Variants in KRT77 observed in about 807,000 individuals in gnomAD.
KRT77 encodes keratin, type II cytoskeletal 1b.
A neutral mutation model predicts 51.5 loss-of-function variants in KRT77; 44 were observed. The ratio of observed to expected loss-of-function variants is 0.85; its 90% CI spans 0.67 to 1.10. The LOEUF is 1.10. Ranked by LOEUF, KRT77 falls within the 50% of genes least tolerant of loss-of-function variation. The pLI, the probability that KRT77 is intolerant of heterozygous loss-of-function variation, is 0.00. For missense variants in KRT77, 763 were observed against 743.9 expected (o/e 1.03, Z -0.30); for synonymous variants, 293 against 302.0 (o/e 0.97, Z 0.31).
chr12:52,698,022 A>G (rs1941826338), intron 1 of KRT77, 126 bp from the exon 2 acceptor site: 5 of 1,417,886 alleles, frequency 3.5e-6, no homozygotes, highest in Middle Eastern at 1.8e-4. Context: ...TCCAAGGGTC[A>G]GAGAGCTTCC....
Position 52,702,954 on chromosome 12 carries a change from T to C in KRT77, c.481A>G (p.Lys161Glu). 6.2e-7 allele frequency: 1 copy of C among 1,614,118 alleles called. No individual in the cohort carries two copies. Among genetic ancestry groups the C allele is most frequent in the Non-Finnish European group, 8.5e-7 (1 of 1,180,044 alleles). ...LEVDPEIQRI[K>E]TQEREQIMVL... ...ATAATCTGCTCCCGCTCCTGGGTCT[T>C]GATCCTCTGAATTTCAGGGTCCACC... Residue 161 changes from lysine (K) to glutamate (E), a missense_variant, in exon 1 of 9, where the codon AAG becomes GAG. Physicochemically the swap from Lys to Glu is moderately conservative, Grantham distance 56. Transcript: ENST00000341809.
chr12:52,692,061 C>A (rs1290057112), intron 7 of KRT77, 89 bp from the exon 8 acceptor site: 3 of 1,405,794 alleles, frequency 2.1e-6, no homozygotes, highest in African/African-American at 2.8e-5. Context: ...AGAGGTGTCC[C>A]CAAGCCTTAG....
At chr12:52,691,877 C>G (rs1317269846) in intron 8 of KRT77, 61 bp downstream of exon 8, 2 of 1,601,854 alleles carry the variant, frequency 1.2e-6, no homozygotes, top group Non-Finnish European at 1.7e-6. Flanking sequence ...CTGGCCACCT[C>G]CTGGCCCTCC....
rs896478973 is a variant in KRT77, at chr12:52,698,195, C to T, written c.544-299G>A. 1.1e-5 allele frequency: 14 copies of T among 1,304,894 alleles called. No individual in the cohort carries two copies. The African/African-American group carries it at 2.1e-4, about 19-fold the overall frequency. 80.8% of individuals were successfully genotyped at this position (1,304,894 alleles called of 1,614,324 possible). ...ACTCACCCTCCACACTCAATTTATCCATGCCAACGTAAGGAAATGGTGTTT... is the reference window on the plus strand; with the variant it reads ...ACTCACCCTCCACACTCAATTTATCTATGCCAACGTAAGGAAATGGTGTTT... On this transcript the variant is annotated intron_variant, in intron 1 of 8. Coordinates refer to ENST00000341809, the MANE Select transcript of KRT77 (RefSeq NM_175078.3).
chr12:52,691,139 C>A lies in KRT77; in HGVS notation c.*26G>T, dbSNP rs748738755. ...TGAGGAGAGGGCGGTGAGGGGCAGG[C>A]GTGATGTGTGGCAGAAACGAGGCCT... On this transcript the variant is annotated 3_prime_UTR_variant, in exon 9 of 9. Coordinates refer to ENST00000341809, the MANE Select transcript of KRT77 (RefSeq NM_175078.3). 6.2e-7 allele frequency: 1 copy of A among 1,613,772 alleles called. No homozygotes were observed. The highest frequency in any genetic ancestry group is 8.5e-7 in the Non-Finnish European group (1 of 1,179,836).
intron 1 of KRT77, chr12:52,698,251 G>T: frequency 2.6e-6 from 2 of 777,608 alleles, no homozygotes; most frequent in Non-Finnish European, 1.9e-6. Context: ...TGACCCCAAG[G>T]TTCCTTTCTC....
chr12:52,696,339 C>T lies in KRT77; in HGVS notation c.819+31G>A, dbSNP rs550349496. 6.4e-5 allele frequency: 103 copies of T among 1,609,868 alleles called. No individual in the cohort carries two copies. In the South Asian group the frequency reaches 1.1e-3, roughly 17 times the overall value. On this transcript the variant is annotated intron_variant, in intron 3 of 8. Coordinates refer to ENST00000341809, the MANE Select transcript of KRT77 (RefSeq NM_175078.3). ...CACTCCCCTCAGCCTCCTGGGTCCA[C>T]AGCCACCCTCAGGACTCCCCTTTCC...
chr12:52,703,125 C>A lies in KRT77; in HGVS notation c.310G>T (p.Ala104Ser), dbSNP rs762962674. 2 of 1,612,056 alleles carry A rather than the reference C, an allele frequency of 1.2e-6. No homozygotes were observed. Among genetic ancestry groups the A allele is most frequent in the East Asian group, 4.5e-5 (2 of 44,840 alleles). Residue 104 changes from alanine (A) to serine (S), a missense_variant, in exon 1 of 9, where the codon GCT (alanine) becomes TCT (serine). Coordinates refer to ENST00000341809, the MANE Select transcript of KRT77 (RefSeq NM_175078.3). ...GRGFGVGSTG[A>S]GGFGGGGFGG... is the part of the protein sequence containing the mutation. Reference sequence around the variant, plus strand: ...AAACCACCTCCTCCAAAGCCACCAGCCCCGGTGCTGCCAACCCCAAAGCCT... The same window carrying A: ...AAACCACCTCCTCCAAAGCCACCAGACCCGGTGCTGCCAACCCCAAAGCCT...
chr12:52,694,175 A>G (rs1042142273), intron 5 of KRT77, among the ~76,000 whole-genome samples: 1 of 152,086 alleles, frequency 6.6e-6, no homozygotes. Flanking sequence ...GCCATTTACT[A>G]GCTACAAGGC....
chr12:52,702,105 T>C (rs1416737478), intron 1 of KRT77, among the ~76,000 whole-genome samples: 4 of 152,182 alleles, frequency 2.6e-5, no homozygotes, highest in Non-Finnish European at 4.4e-5. Context: ...TTAGAACCCA[T>C]TTAACTTTTC....
intron 1 of KRT77, among the ~76,000 whole-genome samples, chr12:52,702,418 C>A (rs898008314): frequency 6.8e-6 from 1 of 147,394 alleles, no homozygotes; most frequent in African/African-American, 2.6e-5. Context: ...TGTGTGTGTG[C>A]ATGTGTGTGT....
At chr12:52,695,293 T>A (rs1183190316) in intron 4 of KRT77, 2 of 166,950 alleles carry the variant, frequency 1.2e-5, no homozygotes, top group Non-Finnish European at 2.6e-5. Context: ...TAACACAGCA[T>A]CTGGCCCAGA....
At position 52,697,589 on chromosome 12, in the gene KRT77, C is replaced by T; in HGVS notation, c.758+93G>A. ...CAGAGCCTGCATGCCCCGCCCCCCA[C>T]CCTTACACACAAACACTGAAGCCGA... On this transcript the variant is annotated intron_variant, in intron 2 of 8. Coordinates refer to ENST00000341809, the MANE Select transcript of KRT77 (RefSeq NM_175078.3). The T allele has an allele frequency of 1.3e-5, 4 of 309,528 alleles. 1 individual carries two copies. Among genetic ancestry groups the T allele is most frequent in the Non-Finnish European group, 2.6e-5 (4 of 152,176 alleles). 19.2% of individuals were successfully genotyped at this position (309,528 alleles called of 1,614,324 possible).
intron 1 of KRT77, among the ~76,000 whole-genome samples, chr12:52,699,505 C>G (rs1180032232): frequency 6.6e-6 from 1 of 152,260 alleles, no homozygotes; most frequent in East Asian, 1.9e-4. Flanking sequence ...CCCCAAAACA[C>G]TCCTGGTCTG....
At chr12:52,697,379 T>TA (rs1565653640) in intron 2 of KRT77, among the ~76,000 whole-genome samples, 1 of 152,140 alleles carries the variant, frequency 6.6e-6, no homozygotes, top group Non-Finnish European at 1.5e-5. Context: ...ACTAGAAACT[T>TA]AAAAAGATGA....
Position 52,692,841 on chromosome 12 carries a change from C to A in KRT77, c.1120G>T (p.Asp374Tyr), listed in dbSNP as rs768704146. The A allele has an allele frequency of 1.2e-6, 2 of 1,603,886 alleles. No homozygotes were observed. The highest frequency in any genetic ancestry group is 2.2e-5 in the East Asian group (1 of 44,864). ...ATCTCCATCTTGCTGTTCTTCAGGT[C>A]GTCTCCATGTCTCCCTGCCGTGATC... is the stretch of plus-strand genomic sequence containing the variant. ...LQITAGRHGD[D>Y]LKNSKMEIAE... is the part of the protein sequence containing the mutation. The change falls in exon 6 of 9, where the codon GAC (aspartate) becomes TAC (tyrosine). Residue 374 changes from aspartate (D) to tyrosine (Y), a missense_variant. By Grantham distance (160) the Asp-to-Tyr change is radical. Transcript: ENST00000341809.
rs771104068 is a variant in KRT77, at chr12:52,702,998, A to G, written c.437T>C (p.Leu146Pro). 1.9e-5 allele frequency: 30 copies of G among 1,614,012 alleles called. No individual in the cohort carries two copies. The highest frequency in any genetic ancestry group is 3.3e-4 in the Middle Eastern group (2 of 6,060). Residue 146 changes from leucine (L) to proline (P), a missense_variant, in exon 1 of 9, where the codon CTA (leucine) becomes CCA (proline). Coordinates refer to ENST00000341809, the MANE Select transcript of KRT77 (RefSeq NM_175078.3). ...IQEVTINQSL[L>P]EPLHLEVDPE... ...GTCCACCTCCAGGTGAAGTGGCTCTAGGAGGCTCTGGTTAATGGTCACCTC... is the reference window on the plus strand; with the variant it reads ...GTCCACCTCCAGGTGAAGTGGCTCTGGGAGGCTCTGGTTAATGGTCACCTC...
At position 52,692,554 on chromosome 12, in the gene KRT77, C is replaced by G; in HGVS notation, c.1294G>C (p.Glu432Gln). 4 of 1,604,994 alleles carry G rather than the reference C, an allele frequency of 2.5e-6. 1 individual carries two copies. Among genetic ancestry groups the G allele is most frequent in the South Asian group, 2.2e-5 (2 of 90,852 alleles). ...QDAWQKLQDL[E>Q]EALQQSKEEL... Reference sequence around the variant, plus strand: ...TCCTTGGACTGCTGCAGGGCCTCCTCCAGGTCCTGCAGCTTCTGCCACGCA... The same window carrying G: ...TCCTTGGACTGCTGCAGGGCCTCCTGCAGGTCCTGCAGCTTCTGCCACGCA... Residue 432 changes from glutamate (E) to glutamine (Q), a missense_variant, in exon 7 of 9, where the codon GAG (glutamate) becomes CAG (glutamine). Transcript: ENST00000341809.
At chr12:52,702,809 A>G in intron 1 of KRT77, 83 bp downstream of exon 1, 1 of 1,392,060 alleles carries the variant, frequency 7.2e-7, no homozygotes. Flanking sequence ...AAACAGCACG[A>G]TGTGGTGAGA....
Sources: allele counts gnomAD v4.1 joint callset (sites outside exome capture counted in the v4.1 genomes callset), GRCh38; gene constraint gnomAD v4.1.1; transcripts MANE v1.5; gene names NCBI Gene and HGNC (gene_info 2026-07-23, HGNC 2026-07-21).